The following PARN variants were observed in gnomAD, a reference collection of about 807,000 sequenced individuals.
The protein encoded by PARN is poly(A)-specific ribonuclease, also known as poly(A)-specific ribonuclease PARN.
A neutral mutation model predicts 102.8 loss-of-function variants in PARN; 71 were observed. The observed-to-expected ratio is 0.69, with a 90% confidence interval of 0.57 to 0.84. The LOEUF is 0.84. Among genes scored for constraint, PARN ranks in the 40% least tolerant of loss-of-function variants. PARN has a pLI of 0.00. For synonymous variants in PARN, 261 were observed against 252.9 expected, an observed-to-expected ratio of 1.03 and a Z score of -0.30; for missense variants, 782 against 760.9, an observed-to-expected ratio of 1.03 and a Z score of -0.33.
chr16:14,454,715 T>C (rs1357398714), intron 22 of PARN, among the ~76,000 whole-genome samples: 1 of 152,246 alleles, frequency 6.6e-6, no homozygotes, highest in Admixed American at 6.5e-5. Context: ...TTTTTGTTTT[T>C]TCCAAATTCT....
intron 18 of PARN, among the ~76,000 whole-genome samples, chr16:14,560,006 C>T (rs1182750812): frequency 6.6e-6 from 1 of 152,234 alleles, no homozygotes; most frequent in African/African-American, 2.4e-5. Context: ...TTGGAAGCCA[C>T]TGCTCTGGTA....
chr16:14,528,884 A>G (rs753287579), intron 21 of PARN, among the ~76,000 whole-genome samples: 3 of 152,342 alleles, frequency 2.0e-5, no homozygotes, highest in South Asian at 2.1e-4. Flanking sequence ...TGATTACTTT[A>G]TAAGTATTTC....
At chr16:14,592,373 G>A (rs1970254598) in intron 13 of PARN, among the ~76,000 whole-genome samples, 1 of 152,202 alleles carries the variant, frequency 6.6e-6, no homozygotes, top group South Asian at 2.1e-4. Context: ...AGATGTTGGT[G>A]TCTACAGCTG....
rs541038551 is a variant in PARN at position 14,520,629 on chromosome 16, G to A, written c.1480+31392C>T. On this transcript the variant is annotated intron_variant, in intron 21 of 23. Transcript: ENST00000437198. ...CAGGAGAACAGCTTGAGCCTGGGAG[G>A]TGGAGGTTGCAGCGAGTGGAGATCG... Among the ~76,000 whole-genome samples, 13 of 152,082 alleles carry A rather than the reference G, an allele frequency of 8.5e-5. No homozygotes were observed. In the East Asian group the frequency reaches 2.5e-3, roughly 29 times the overall value.
chr16:14,496,760 T>G (rs1008775756), intron 21 of PARN, among the ~76,000 whole-genome samples: 2 of 152,192 alleles, frequency 1.3e-5, no homozygotes, highest in African/African-American at 4.8e-5. Context: ...TTATTACATA[T>G]TACAAAGAAG....
chr16:14,581,053 G>C, intron 17 of PARN, 110 bp from the exon 18 acceptor site: 1 of 633,556 alleles, frequency 1.6e-6, no homozygotes, highest in Non-Finnish European at 2.9e-6. Flanking sequence ...AAGTGTGAAA[G>C]GTATTCTTTT....
chr16:14,488,155 A>C (rs1963827864), intron 21 of PARN, among the ~76,000 whole-genome samples: 1 of 152,198 alleles, frequency 6.6e-6, no homozygotes, highest in African/African-American at 2.4e-5. Flanking sequence ...CTGCCTGGAA[A>C]AGGAAAAGCT....
intron 10 of PARN, 57 bp downstream of exon 10, chr16:14,606,427 C>T (rs1246363630): frequency 9.5e-6 from 9 of 952,090 alleles, no homozygotes; most frequent in East Asian, 7.7e-5. Context: ...AAAGAAACCC[C>T]TAACAGTGTA....
intron 23 of PARN, among the ~76,000 whole-genome samples, chr16:14,440,015 A>AAACAAC (rs554595692): frequency 2.0e-5 from 3 of 151,832 alleles, no homozygotes; most frequent in Non-Finnish European, 4.4e-5. Context: ...ACTGTCTCGA[A>AAACAAC]AACAACAACA....
Position 14,593,396 on chromosome 16 carries a change from T to C in PARN, c.841-18A>G. ...AGTTTTCCCTAAAGAAAGTCAAGGT[T>C]AGAAAAAAGACTTCTACATTCGAAA... On this transcript the variant is annotated intron_variant, in intron 12 of 23. Transcript: ENST00000437198. 1.5e-6 allele frequency: 2 copies of C among 1,375,576 alleles called. No individual in the cohort carries two copies. The highest frequency in any genetic ancestry group is 2.0e-6 in the Non-Finnish European group (2 of 976,572). The allele number at this position is 1,375,576 out of a possible 1,614,324, so 85.2% of individuals were successfully genotyped here. A position where few individuals can be genotyped will look rare whatever the true frequency, so the allele number is the denominator to read the frequency against.
chr16:14,550,684 AC>A (rs1253664173), intron 21 of PARN, among the ~76,000 whole-genome samples: 1 of 152,242 alleles, frequency 6.6e-6, no homozygotes, highest in African/African-American at 2.4e-5. Flanking sequence ...ATAATTACTC[AC>A]CAGTTCTACT....
chr16:14,501,611 A>T (rs1964625781), intron 21 of PARN: 1 of 151,912 alleles, frequency 6.6e-6, no homozygotes, highest in South Asian at 2.1e-4. Flanking sequence ...AGTAGGTAGA[A>T]ACAAACCCCA....
At chr16:14,578,435 A>T (rs138928077) in intron 18 of PARN, 4,221 of 151,476 alleles carry the variant, frequency 0.028, 85 homozygotes, top group Non-Finnish European at 0.041. Flanking sequence ...CGGGTGGATC[A>T]CCTGAGGTCA....
intron 18 of PARN, among the ~76,000 whole-genome samples, chr16:14,566,406 T>C (rs1368796588): frequency 6.6e-6 from 1 of 152,140 alleles, no homozygotes; most frequent in African/African-American, 2.4e-5. Context: ...AAGGAACGCC[T>C]GCAGCCACTG....
At chr16:14,587,721 G>A (rs186078105) in intron 13 of PARN, among the ~76,000 whole-genome samples, 170 of 152,276 alleles carry the variant, frequency 1.1e-3, no homozygotes, top group African/African-American at 3.9e-3. Context: ...TTCTTTCTCT[G>A]ACAATGCCAG....
At chr16:14,515,579 A>G (rs1022790842) in intron 21 of PARN, among the ~76,000 whole-genome samples, 1 of 152,196 alleles carries the variant, frequency 6.6e-6, no homozygotes, top group Non-Finnish European at 1.5e-5. Flanking sequence ...CGCCTAAAAA[A>G]GAGATGAAAA....
At chr16:14,623,687 A>AT (rs1387841894) in intron 5 of PARN, among the ~76,000 whole-genome samples, 1 of 151,756 alleles carries the variant, frequency 6.6e-6, no homozygotes, top group African/African-American at 2.4e-5. Flanking sequence ...AAATACAAAA[A>AT]TTAGCAGGGC....
chr16:14,572,214 G>A lies in PARN; in HGVS notation c.1262+8660C>T, dbSNP rs958782914. On this transcript the variant is annotated intron_variant, in intron 18 of 23. Transcript: ENST00000437198. ...CTCCAGGGAGACAAGCTTGACACAC[G>A]GGGTCCCTTAACAACCCACTGCGAC... Among the ~76,000 whole-genome samples the A allele has an allele frequency of 3.7e-4, 57 of 152,150 alleles. 1 individual carries two copies. The highest frequency in any genetic ancestry group is 2.8e-3 in the Admixed American group (42 of 15,264).
At chr16:14,544,849 T>C (rs1966869491) in intron 21 of PARN, among the ~76,000 whole-genome samples, 2 of 152,122 alleles carry the variant, frequency 1.3e-5, no homozygotes, top group African/African-American at 2.4e-5. Context: ...TTTTAACCCT[T>C]CTCAAAAACT....
Sources: allele counts gnomAD v4.1 joint callset (sites outside exome capture counted in the v4.1 genomes callset), GRCh38; gene constraint gnomAD v4.1.1; transcripts MANE v1.5; gene names NCBI Gene and HGNC (gene_info 2026-07-23, HGNC 2026-07-21).